ITPR1: variants seen among roughly 807,000 people sequenced by gnomAD.
ITPR1 encodes inositol 1,4,5-trisphosphate receptor type 1.
A neutral mutation model predicts 318.4 loss-of-function variants in ITPR1; 96 were observed. That is an observed-to-expected ratio of 0.30 (90% CI 0.26 to 0.36). ITPR1 has a LOEUF of 0.36. Ranked by LOEUF, ITPR1 falls within the 10% of genes least tolerant of loss-of-function variation. The probability of loss-of-function intolerance (pLI) is 1.00; values close to 1 mark genes in which losing one functional copy is unlikely to be tolerated. For missense variants in ITPR1, 2,440 were observed against 3,460.2 expected (o/e 0.71, Z 7.40); for synonymous variants, 1,312 against 1,289.9 (o/e 1.02, Z -0.37).
intron 4 of ITPR1, among the ~76,000 whole-genome samples, chr3:4,528,634 T>C (rs1366863531): frequency 2.0e-5 from 3 of 152,192 alleles, no homozygotes; most frequent in Non-Finnish European, 2.9e-5. Context: ...TTGATTCTAA[T>C]CCATGACAGG....
At chr3:4,813,345 T>C (rs571095569) in intron 57 of ITPR1, 111 bp downstream of exon 57, 1 of 704,928 alleles carries the variant, frequency 1.4e-6, no homozygotes, top group South Asian at 2.1e-5. Context: ...AGTAAGGCTA[T>C]AGCAAAGGGG....
chr3:4,576,446 T>C (rs1013253336), intron 4 of ITPR1, among the ~76,000 whole-genome samples: 3 of 152,132 alleles, frequency 2.0e-5, no homozygotes, highest in African/African-American at 7.2e-5. Flanking sequence ...GTTCAGACAA[T>C]ACCATGAGAG....
At chr3:4,794,591 G>T (rs1317123690) in intron 52 of ITPR1, among the ~76,000 whole-genome samples, 4 of 152,174 alleles carry the variant, frequency 2.6e-5, no homozygotes, top group Admixed American at 6.5e-5. Flanking sequence ...GCCCTAGTCT[G>T]GGGCCCAGCG....
chr3:4,823,402 A>G (rs778558809), intron 60 of ITPR1, among the ~76,000 whole-genome samples: 2 of 152,220 alleles, frequency 1.3e-5, no homozygotes, highest in Non-Finnish European at 2.9e-5. Context: ...TGAAACTAAC[A>G]TAAGTGCCCA....
intron 2 of ITPR1, among the ~76,000 whole-genome samples, chr3:4,506,576 C>T (rs894851531): frequency 1.1e-4 from 16 of 152,166 alleles, no homozygotes; most frequent in South Asian, 2.1e-4. Flanking sequence ...TGTCTGTCTG[C>T]CCTCACTAGA....
chr3:4,754,307 G>A (rs1435208295), intron 44 of ITPR1, among the ~76,000 whole-genome samples: 2 of 152,132 alleles, frequency 1.3e-5, no homozygotes, highest in African/African-American at 2.4e-5. Context: ...TCACTGCCAG[G>A]TCCTCAGCAC....
chr3:4,638,593 G>A (rs1044590076), intron 5 of ITPR1, among the ~76,000 whole-genome samples: 3 of 152,216 alleles, frequency 2.0e-5, no homozygotes, highest in African/African-American at 4.8e-5. Context: ...CTATCTCTGC[G>A]ACTTAATAAA....
intron 4 of ITPR1, among the ~76,000 whole-genome samples, chr3:4,523,454 A>T (rs1392904969): frequency 6.6e-6 from 1 of 152,112 alleles, no homozygotes; most frequent in Non-Finnish European, 1.5e-5. Flanking sequence ...GAACATTTAA[A>T]AACTACTCTT....
chr3:4,707,766 TTATTATTAC>T (rs2094790570), intron 37 of ITPR1, among the ~76,000 whole-genome samples: 1 of 152,204 alleles, frequency 6.6e-6, no homozygotes, highest in African/African-American at 2.4e-5. Context: ...GCTGCTATTA[TTATTATTAC>T]TATTATTACT....
chr3:4,708,359 C>G (rs752205822), intron 37 of ITPR1, among the ~76,000 whole-genome samples: 2 of 152,128 alleles, frequency 1.3e-5, no homozygotes, highest in Admixed American at 6.5e-5. Flanking sequence ...CTATGAAACC[C>G]TGCTCTTATG....
intron 7 of ITPR1, among the ~76,000 whole-genome samples, chr3:4,643,704 A>G (rs1293806251): frequency 6.6e-6 from 1 of 152,174 alleles, no homozygotes; most frequent in Non-Finnish European, 1.5e-5. Context: ...ATCATAGACC[A>G]TGTATTTCCG....
rs530742941 is a variant in ITPR1, at chr3:4,777,522, A to G, written c.6291+148A>G. On this transcript the variant is annotated intron_variant, in intron 48 of 61. Coordinates refer to ENST00000649015, the MANE Select transcript of ITPR1 (RefSeq NM_001378452.1). ...ATGACCCAGGTTGCTAGTGCTGACTACGATGCAGAACTCCAACCTTTCTCT... is the reference window on the plus strand; with the variant it reads ...ATGACCCAGGTTGCTAGTGCTGACTGCGATGCAGAACTCCAACCTTTCTCT... 11 of 604,374 alleles carry G rather than the reference A, an allele frequency of 1.8e-5. No individual in the cohort carries two copies. In the East Asian group the frequency reaches 2.6e-4, roughly 14 times the overall value. The allele number at this position is 604,374 out of a possible 1,614,324, so 37.4% of individuals were successfully genotyped here. A position where few individuals can be genotyped will look rare whatever the true frequency, so the allele number is the denominator to read the frequency against.
intron 35 of ITPR1, among the ~76,000 whole-genome samples, chr3:4,701,717 G>A (rs750004086): frequency 7.9e-5 from 12 of 152,010 alleles, no homozygotes; most frequent in African/African-American, 1.9e-4. Context: ...TTTTTCATGC[G>A]TGACGGGAAG....
intron 44 of ITPR1, among the ~76,000 whole-genome samples, chr3:4,735,847 C>T (rs1283548717): frequency 1.3e-5 from 2 of 152,174 alleles, no homozygotes; most frequent in Admixed American, 6.5e-5. Context: ...AAAGCCAAAT[C>T]AATTTGAAAT....
At chr3:4,769,667 A>G (rs1331538424) in intron 46 of ITPR1, among the ~76,000 whole-genome samples, 1 of 152,204 alleles carries the variant, frequency 6.6e-6, no homozygotes, top group Non-Finnish European at 1.5e-5. Flanking sequence ...TTATATGATT[A>G]TATTATATAG....
intron 12 of ITPR1, among the ~76,000 whole-genome samples, chr3:4,656,227 A>G (rs909944029): frequency 2.0e-5 from 3 of 152,214 alleles, no homozygotes; most frequent in Non-Finnish European, 4.4e-5. Context: ...TCACTTTTCC[A>G]GACACAGTGG....
In ITPR1 at chr3:4,693,722, A is replaced by G. The variant is rs1300115465; in HGVS notation, c.4262A>G (p.His1421Arg). ...GATGACATCGTTCGCGTGGTGACCC[A>G]CGAGGACTGCATCCCTGAGGTGAGC... ...PLDDIVRVVT[H>R]EDCIPEVKIA... The change falls in exon 33 of 62, where the codon CAC (histidine) becomes CGC (arginine). Residue 1421 changes from histidine (H) to arginine (R), a missense_variant. Physicochemically the swap from His to Arg is conservative, Grantham distance 29. Coordinates refer to ENST00000649015, the MANE Select transcript of ITPR1 (RefSeq NM_001378452.1). 6.2e-7 allele frequency: 1 copy of G among 1,613,096 alleles called. No individual in the cohort carries two copies. Among genetic ancestry groups the G allele is most frequent in the African/African-American group, 1.3e-5 (1 of 75,042 alleles).
At chr3:4,540,000 A>G (rs1413849603) in intron 4 of ITPR1, among the ~76,000 whole-genome samples, 1 of 151,094 alleles carries the variant, frequency 6.6e-6, no homozygotes, top group Non-Finnish European at 1.5e-5. Flanking sequence ...AAAAAAAAAA[A>G]GGAAAATTAC....
chr3:4,688,067 T>A (rs545831067), intron 30 of ITPR1, among the ~76,000 whole-genome samples: 1 of 152,312 alleles, frequency 6.6e-6, no homozygotes, highest in African/African-American at 2.4e-5. Context: ...TTTATTATTT[T>A]TATCTTTTGT....
Sources: allele counts gnomAD v4.1 joint callset (sites outside exome capture counted in the v4.1 genomes callset), GRCh38; gene constraint gnomAD v4.1.1; transcripts MANE v1.5; gene names NCBI Gene and HGNC (gene_info 2026-07-23, HGNC 2026-07-21).